Variants in NCAN observed in about 807,000 individuals in gnomAD.
NCAN encodes neurocan, also known as neurocan core protein.
A neutral mutation model predicts 121.8 loss-of-function variants in NCAN; 47 were observed. The observed-to-expected ratio is 0.39, with a 90% CI of 0.31 to 0.49. The LOEUF (loss-of-function observed/expected upper bound fraction) is 0.49. Ranked by LOEUF, NCAN falls within the 20% of genes least tolerant of loss-of-function variation. The pLI is 0.92. For synonymous variants in NCAN, 633 were observed against 702.0 expected (o/e 0.90, Z 1.55); for missense variants, 1,517 against 1,773.4 (o/e 0.86, Z 2.60).
chr19:19,243,391 G>A (rs550390823), intron 12 of NCAN, among the ~76,000 whole-genome samples: 87 of 151,488 alleles, frequency 5.7e-4, no homozygotes, highest in African/African-American at 2.0e-3. Context: ...TGGCGTGCAC[G>A]TGTAATCCCA....
chr19:19,237,180 A>T (rs1568600663), intron 10 of NCAN, among the ~76,000 whole-genome samples: 1 of 151,884 alleles, frequency 6.6e-6, no homozygotes, highest in African/African-American at 2.4e-5. Context: ...AAATACTGGG[A>T]TTACAGGCAT....
At position 19,228,374 on chromosome 19, in the gene NCAN, T is replaced by C. The variant is rs1218507781; in HGVS notation, c.2754T>C (p.His918=). The part of the protein sequence containing the change: ...QGTSGASVPP[H]QSSPLGKPAV... ...CATCAGGAGCTTCAGTGCCTCCGCATCAGAGCAGTCCCCTAGGGAAACCGG... is the reference window on the plus strand; with the variant it reads ...CATCAGGAGCTTCAGTGCCTCCGCACCAGAGCAGTCCCCTAGGGAAACCGG... The change falls in exon 8 of 15, where the codon CAT becomes CAC. Residue 918 remains histidine, a synonymous_variant. Transcript: ENST00000252575. The C allele has an allele frequency of 1.9e-6, 3 of 1,613,794 alleles. No homozygotes were observed. The highest frequency in any genetic ancestry group is 2.2e-5 in the South Asian group (2 of 91,084).
chr19:19,223,300 G>T (rs1440833426), intron 3 of NCAN, among the ~76,000 whole-genome samples: 1 of 152,084 alleles, frequency 6.6e-6, no homozygotes, highest in Non-Finnish European at 1.5e-5. Context: ...CATGAAGAGT[G>T]CTATCTTTGG....
rs550939652 is a variant in NCAN, at chr19:19,215,452, C to T, written c.-7-1495C>T. On this transcript the variant is annotated intron_variant, in intron 1 of 14. Coordinates refer to ENST00000252575, the MANE Select transcript of NCAN (RefSeq NM_004386.3). ...CAGGAAATGCACTGCTGTGTCCCAA[C>T]GACTGGCATGGGCTTTGCTCACAGT... Among the ~76,000 whole-genome samples, 10 of 152,274 alleles carry T rather than the reference C, an allele frequency of 6.6e-5. No homozygotes were observed. The South Asian group carries it at 1.7e-3, about 25-fold the overall frequency.
At chr19:19,233,368 C>T (rs1314097845) in intron 8 of NCAN, among the ~76,000 whole-genome samples, 1 of 151,600 alleles carries the variant, frequency 6.6e-6, no homozygotes, top group Non-Finnish European at 1.5e-5. Context: ...CAGGCTAGAA[C>T]CTATGTCCAC....
At chr19:19,229,982 A>C (rs1237658095) in intron 8 of NCAN, among the ~76,000 whole-genome samples, 2 of 152,184 alleles carry the variant, frequency 1.3e-5, no homozygotes, top group African/African-American at 2.4e-5. Flanking sequence ...CCTGCATGAA[A>C]TCAAACTAAC....
At chr19:19,213,263 C>T (rs2060782071) in intron 1 of NCAN, among the ~76,000 whole-genome samples, 1 of 152,058 alleles carries the variant, frequency 6.6e-6, no homozygotes, top group Non-Finnish European at 1.5e-5. Flanking sequence ...GTGTCCACCC[C>T]AGACAGGCAG....
chr19:19,222,197 A>AACAACAACG (rs558655046), intron 3 of NCAN, among the ~76,000 whole-genome samples: 148 of 152,166 alleles, frequency 9.7e-4, no homozygotes, highest in African/African-American at 3.4e-3. Flanking sequence ...AAAAGCTAAC[A>AACAACAACG]ACAACAACAA....
chr19:19,249,519 C>T (rs1431796343), intron 14 of NCAN, among the ~76,000 whole-genome samples: 1 of 152,098 alleles, frequency 6.6e-6, no homozygotes, highest in Non-Finnish European at 1.5e-5. Context: ...AAGCATGTGC[C>T]GCCACGCCTG....
chr19:19,240,929 G>C (rs2060901171), intron 12 of NCAN, among the ~76,000 whole-genome samples: 1 of 152,092 alleles, frequency 6.6e-6, no homozygotes, highest in Non-Finnish European at 1.5e-5. Flanking sequence ...ACTAGGGTCT[G>C]ATGCCTCCCC....
intron 8 of NCAN, 90 bp downstream of exon 8, chr19:19,228,729 G>T (rs1484066026): frequency 1.4e-6 from 2 of 1,399,456 alleles, no homozygotes; most frequent in African/African-American, 1.4e-5. Flanking sequence ...GGGAGGAATG[G>T]TTGTCCCTGG....
rs373763207 is a variant in NCAN at position 19,228,423 on chromosome 19, G to A, written c.2803G>A (p.Ala935Thr). 3 of 1,613,630 alleles carry A rather than the reference G, an allele frequency of 1.9e-6. No individual in the cohort carries two copies. The highest frequency in any genetic ancestry group is 2.5e-6 in the Non-Finnish European group (3 of 1,180,016). ...GGCTGTTCCTCCTGGGACACCGACT[G>A]CAGCCAGTGTGGGCGAGTCTGCCTC... is the stretch of plus-strand genomic sequence containing the variant. ...KPAVPPGTPT[A>T]ASVGESASVS... Residue 935 changes from alanine (A) to threonine (T), a missense_variant, in exon 8 of 15, where the codon GCA becomes ACA. Coordinates refer to ENST00000252575, the MANE Select transcript of NCAN (RefSeq NM_004386.3).
At chr19:19,243,473 G>A (rs1489595220) in intron 12 of NCAN, among the ~76,000 whole-genome samples, 3 of 135,300 alleles carry the variant, frequency 2.2e-5, no homozygotes, top group African/African-American at 8.8e-5. Context: ...CCAAGATCAT[G>A]CCACTGCACT....
Position 19,227,135 on chromosome 19 carries a change from G to A in NCAN, c.1660+62G>A, listed in dbSNP as rs909288861. On this transcript the variant is annotated intron_variant, in intron 7 of 14. Transcript: ENST00000252575. This position sits in a 1 kb window ranked among gnomAD's most constrained non-coding sequence, Gnocchi z 4.2. ...ATCTGGAGGTGAGGGTAGAGAGGTA[G>A]CCATGGCTACACTCAGAATGAGGGA... 60 of 1,494,266 alleles carry A rather than the reference G, an allele frequency of 4.0e-5. No individual in the cohort carries two copies. Among genetic ancestry groups the A allele is most frequent in the African/African-American group, 5.6e-5 (4 of 71,320 alleles). The allele number at this position is 1,494,266 out of a possible 1,614,324, so 92.6% of individuals were successfully genotyped here.
In NCAN at chr19:19,240,707, C is replaced by T. The variant is rs377355857; in HGVS notation, c.3492+22C>T. ...GCTGGTGAGTGGCAGGGGCTGCGGG[C>T]CTAGGCTGCTGAGCCACATCAGCCC... On this transcript the variant is annotated intron_variant, in intron 12 of 14. Transcript: ENST00000252575. 5.6e-5 allele frequency: 90 copies of T among 1,611,296 alleles called. No individual in the cohort carries two copies. The African/African-American group carries it at 1.0e-3, about 18-fold the overall frequency.
chr19:19,245,501 T>C (rs781500519), intron 13 of NCAN, 44 bp downstream of exon 13: 1 of 1,595,768 alleles, frequency 6.3e-7, no homozygotes, highest in Non-Finnish European at 8.6e-7. Context: ...TCACTTTTGC[T>C]CACTGGTTCT....
Position 19,224,514 on chromosome 19 carries a change from G to A in NCAN, c.778+81G>A, listed in dbSNP as rs762695032. 9.8e-6 allele frequency: 15 copies of A among 1,534,562 alleles called. No individual in the cohort carries two copies. The East Asian group carries it at 3.2e-4, about 33-fold the overall frequency. On this transcript the variant is annotated intron_variant, in intron 5 of 14. Transcript: ENST00000252575. ...TTCTCCCCAACTCCCATCCTCCGGG[G>A]TCCTTATGCAACTCCCCTGTCTTAT... is the stretch of plus-strand genomic sequence containing the variant.
intron 3 of NCAN, among the ~76,000 whole-genome samples, chr19:19,219,928 G>A (rs2060810288): frequency 6.6e-6 from 1 of 151,636 alleles, no homozygotes; most frequent in African/African-American, 2.4e-5. Flanking sequence ...TTGGGAGGCT[G>A]AGGCAGGAGA....
chr19:19,246,571 T>C (rs1053647486), intron 13 of NCAN, among the ~76,000 whole-genome samples: 5 of 152,152 alleles, frequency 3.3e-5, no homozygotes, highest in African/African-American at 1.2e-4. Flanking sequence ...TCTCACTCTG[T>C]CATCCAAGCT....
Sources: allele counts gnomAD v4.1 joint callset (sites outside exome capture counted in the v4.1 genomes callset), GRCh38; gene constraint gnomAD v4.1.1; non-coding constraint Gnocchi (gnomAD v3.1); transcripts MANE v1.5; gene names NCBI Gene and HGNC (gene_info 2026-07-23, HGNC 2026-07-21).